Variants in PRSS55 observed in about 807,000 individuals in gnomAD.
PRSS55 encodes the protein probable serine protease UNQ9391/PRO34284.
Under a neutral mutation model 23.6 loss-of-function variants are expected in PRSS55, and 41 were observed. The ratio of observed to expected loss-of-function variants is 1.74; its 90% CI spans 1.35 to 2.26. The LOEUF is 2.26. PRSS55 is among the 30% of genes most tolerant of loss of function. PRSS55 has a pLI of 0.00. For missense variants in PRSS55, 669 were observed against 439.1 expected (o/e 1.52, Z -4.68); for synonymous variants, 262 against 175.5 (o/e 1.49, Z -3.90).
intron 4 of PRSS55, among the ~76,000 whole-genome samples, chr8:10,546,741 T>C (rs1197618206): frequency 3.3e-5 from 5 of 152,130 alleles, no homozygotes; most frequent in Admixed American, 3.3e-4. Context: ...AGAAGTTCAG[T>C]GGCCCAATCA....
At chr8:10,544,739 T>C (rs556665440) in intron 4 of PRSS55, among the ~76,000 whole-genome samples, 16 of 152,372 alleles carry the variant, frequency 1.1e-4, no homozygotes, top group South Asian at 2.1e-4. Flanking sequence ...AATTAACTTC[T>C]GGTTTAGACT....
rs754881010 is a variant in PRSS55 at position 10,529,432 on chromosome 8, G to C, written c.155-75G>C. Reference sequence around the variant, plus strand: ...TCCACTTGGAAGCCTGCTCCTCCCAGCCCGGTCCCCAGCTCACACTGGATG... The same window carrying C: ...TCCACTTGGAAGCCTGCTCCTCCCACCCCGGTCCCCAGCTCACACTGGATG... On this transcript the variant is annotated intron_variant, in intron 1 of 4. Transcript: ENST00000328655. The C allele has an allele frequency of 5.4e-6, 8 of 1,479,388 alleles. No individual in the cohort carries two copies. The East Asian group carries it at 1.1e-4, about 21-fold the overall frequency. 91.6% of individuals were successfully genotyped at this position (1,479,388 alleles called of 1,614,324 possible).
Position 10,531,439 on chromosome 8 carries a change from G to C in PRSS55, c.492G>C (p.Ser164=), listed in dbSNP as rs761857387. ...DNDIALLLLA[S]PIKLDDLKVP... is the part of the protein sequence containing the mutation. ...ACATTGCCTTGCTGCTGCTGGCTTC[G>C]CCCATCAAGCTCGATGACCTGAAGG... The change falls in exon 3 of 5, where the codon TCG becomes TCC. Residue 164 remains serine (S), a synonymous_variant. Coordinates refer to ENST00000328655, the MANE Select transcript of PRSS55 (RefSeq NM_198464.4). 5 of 1,614,044 alleles carry C rather than the reference G, an allele frequency of 3.1e-6. No homozygotes were observed. In the African/African-American group the frequency reaches 6.7e-5, roughly 22 times the overall value.
At chr8:10,526,144 C>T (rs905161048) in intron 1 of PRSS55, among the ~76,000 whole-genome samples, 1 of 152,104 alleles carries the variant, frequency 6.6e-6, no homozygotes, top group Admixed American at 6.5e-5. Flanking sequence ...TGTGCCCGGC[C>T]CCCCAGAGCT....
At chr8:10,530,190 C>T (rs186676474) in intron 2 of PRSS55, among the ~76,000 whole-genome samples, 1 of 152,254 alleles carries the variant, frequency 6.6e-6, no homozygotes, top group Non-Finnish European at 1.5e-5. Context: ...CCCCTATTGG[C>T]CGGGTGCGGT....
chr8:10,531,162 T>C lies in PRSS55; in HGVS notation c.348-133T>C, dbSNP rs1812243580. 27 of 1,092,164 alleles carry C rather than the reference T, an allele frequency of 2.5e-5. 1 individual carries two copies. In the South Asian group the frequency reaches 3.3e-4, roughly 13 times the overall value. 67.7% of individuals were successfully genotyped at this position (1,092,164 alleles called of 1,614,324 possible). A position where few individuals can be genotyped will look rare whatever the true frequency, so the allele number is the denominator to read the frequency against. ...ACCTTTTTCCAATCCTCACACCTTCTGATCAACAGCCCCAGTAGGGTTTAA... is the reference window on the plus strand; with the variant it reads ...ACCTTTTTCCAATCCTCACACCTTCCGATCAACAGCCCCAGTAGGGTTTAA... On this transcript the variant is annotated intron_variant, in intron 2 of 4. Transcript: ENST00000328655.
intron 4 of PRSS55, among the ~76,000 whole-genome samples, chr8:10,553,197 GCTCT>G (rs1404659960): frequency 6.6e-6 from 1 of 152,046 alleles, no homozygotes; most frequent in African/African-American, 2.4e-5. Flanking sequence ...CCCTTTGCTG[GCTCT>G]CTCTCTCACC....
At chr8:10,533,783 G>C (rs4841370) in intron 4 of PRSS55, among the ~76,000 whole-genome samples, 3 of 152,026 alleles carry the variant, frequency 2.0e-5, no homozygotes, top group Non-Finnish European at 2.9e-5. Flanking sequence ...GGACCTTGTC[G>C]TTGGTATAAA....
rs372320879 is a variant in PRSS55 at position 10,538,534 on chromosome 8, T to G, written c.800T>G (p.Val267Gly). 54 of 1,614,108 alleles carry G rather than the reference T, an allele frequency of 3.3e-5. No homozygotes were observed. In the African/African-American group the frequency reaches 4.9e-4, roughly 15 times the overall value. ...GAGCCTGGTGAGAAGTGGTACCAGGTGGGCATCATAAGCTGGGGAAAGAGC... is the reference window on the plus strand; with the variant it reads ...GAGCCTGGTGAGAAGTGGTACCAGGGGGGCATCATAAGCTGGGGAAAGAGC... ...TPEPGEKWYQ[V>G]GIISWGKSCG... Residue 267 changes from valine to glycine, a missense_variant, in exon 5 of 5, where the codon GTG becomes GGG. Transcript: ENST00000328655.
intron 3 of PRSS55, 100 bp from the exon 4 acceptor site, chr8:10,532,806 G>A: frequency 1.4e-6 from 2 of 1,459,166 alleles, no homozygotes; most frequent in Non-Finnish European, 1.9e-6. Context: ...GAAGGGGATG[G>A]GGGCTGGGGG....
intron 4 of PRSS55, among the ~76,000 whole-genome samples, chr8:10,549,790 C>CT (rs34970221): frequency 0.26 from 39,752 of 152,112 alleles, 5,451 homozygotes; most frequent in Middle Eastern, 0.31. Context: ...GCTCCCCGCT[C>CT]TGTCATTTCT....
intron 1 of PRSS55, among the ~76,000 whole-genome samples, chr8:10,526,287 G>C (rs1812019322): frequency 6.6e-6 from 1 of 152,224 alleles, no homozygotes; most frequent in Non-Finnish European, 1.5e-5. Context: ...TCTGCTCTCA[G>C]ACAACGTGTG....
chr8:10,548,157 C>T (rs1385126344), intron 4 of PRSS55, among the ~76,000 whole-genome samples: 1 of 152,178 alleles, frequency 6.6e-6, no homozygotes, highest in Non-Finnish European at 1.5e-5. Context: ...CCTTAGGGAG[C>T]TGGGGCGGGC....
chr8:10,542,726 A>C (rs1812692897), downstream of PRSS55, among the ~76,000 whole-genome samples: 1 of 151,134 alleles, frequency 6.6e-6, no homozygotes, highest in South Asian at 2.1e-4. Flanking sequence ...AAAAAAAATT[A>C]GCTGGGTGTG....
chr8:10,536,779 T>C (rs1812470302), intron 4 of PRSS55, among the ~76,000 whole-genome samples: 1 of 152,102 alleles, frequency 6.6e-6, no homozygotes, highest in Admixed American at 6.5e-5. Context: ...AAACCAAATA[T>C]CGCATGTTCT....
intron 4 of PRSS55, 58 bp from the exon 5 acceptor site, chr8:10,538,418 G>A: frequency 7.5e-7 from 1 of 1,336,834 alleles, no homozygotes; most frequent in Non-Finnish European, 1.0e-6. Flanking sequence ...GCTGTGCCCA[G>A]CCTCAGATGG....
rs538951258 is a variant in PRSS55, at chr8:10,535,977, G to T, written c.742-2499G>T. On this transcript the variant is annotated intron_variant, in intron 4 of 4. Transcript: ENST00000328655. ...CAAGACCGGCGGATCACGAGGTCAG[G>T]AGATCAAGACCATCCTGGCTAACAC... Among the ~76,000 whole-genome samples, 3 of 152,328 alleles carry T rather than the reference G, an allele frequency of 2.0e-5. No individual in the cohort carries two copies. The East Asian group carries it at 5.8e-4, about 29-fold the overall frequency.
At position 10,531,430 on chromosome 8, in the gene PRSS55, G is replaced by C; in HGVS notation, c.483G>C (p.Leu161=). Residue 161 remains leucine, a synonymous_variant, in exon 3 of 5, where the codon CTG becomes CTC. Coordinates refer to ENST00000328655, the MANE Select transcript of PRSS55 (RefSeq NM_198464.4). ...ANMDNDIALL[L]LASPIKLDDL... Reference sequence around the variant, plus strand: ...TGGACAATGACATTGCCTTGCTGCTGCTGGCTTCGCCCATCAAGCTCGATG... The same window carrying C: ...TGGACAATGACATTGCCTTGCTGCTCCTGGCTTCGCCCATCAAGCTCGATG... 1 of 1,614,188 alleles carries C rather than the reference G, an allele frequency of 6.2e-7. No homozygotes were observed. Among genetic ancestry groups the C allele is most frequent in the Non-Finnish European group, 8.5e-7 (1 of 1,180,048 alleles).
chr8:10,552,291 GGC>G (rs1275928618), intron 4 of PRSS55, among the ~76,000 whole-genome samples: 1 of 152,180 alleles, frequency 6.6e-6, no homozygotes, highest in African/African-American at 2.4e-5. Flanking sequence ...TGTTAATCAT[GGC>G]AAAGCTACGG....
Sources: gnomAD v4.1 joint callset for allele counts (sites outside exome capture counted in the v4.1 genomes callset) on GRCh38, gnomAD v4.1.1 for gene constraint, MANE v1.5 for transcripts, NCBI Gene and HGNC (gene_info 2026-07-23, HGNC 2026-07-21) for gene names.